The following MAD1L1 variants were observed in gnomAD, a reference collection of about 807,000 sequenced individuals.
MAD1L1 encodes mitotic arrest deficient 1 like 1.
In MAD1L1, 95 loss-of-function variants were observed where a neutral mutation model predicts 96.9. The observed-to-expected ratio is 0.98, with a 90% CI of 0.83 to 1.16. The LOEUF (loss-of-function observed/expected upper bound fraction) is 1.16. Among genes scored for constraint, MAD1L1 ranks in the 50% most tolerant of loss-of-function variants. The pLI, the probability that MAD1L1 is intolerant of heterozygous loss-of-function variation, is 0.00. For missense variants in MAD1L1, 1,007 were observed against 954.4 expected, an observed-to-expected ratio of 1.06 and a Z score of -0.73; for synonymous variants, 473 against 396.6, an observed-to-expected ratio of 1.19 and a Z score of -2.29.
At chr7:1,867,625 C>G (rs888903887) in intron 18 of MAD1L1, among the ~76,000 whole-genome samples, 1 of 152,242 alleles carries the variant, frequency 6.6e-6, no homozygotes, top group African/African-American at 2.4e-5. Context: ...TGGCTCGGGC[C>G]CAATTTCCAT....
chr7:2,121,419 C>T (rs1000923954), intron 11 of MAD1L1, among the ~76,000 whole-genome samples: 6 of 152,212 alleles, frequency 3.9e-5, no homozygotes, highest in Non-Finnish European at 5.9e-5. Flanking sequence ...GCCTCCCGGG[C>T]AGTGGCAGGC....
intron 11 of MAD1L1, among the ~76,000 whole-genome samples, chr7:2,110,019 G>A (rs921074905): frequency 6.6e-6 from 1 of 152,264 alleles, no homozygotes; most frequent in South Asian, 2.1e-4. Flanking sequence ...TGCGCAGGCC[G>A]GAGGTGGCCA....
At chr7:2,212,760 C>CA (rs1562377474) in intron 10 of MAD1L1, among the ~76,000 whole-genome samples, 1 of 152,164 alleles carries the variant, frequency 6.6e-6, no homozygotes, top group African/African-American at 2.4e-5. Context: ...CATAATTACC[C>CA]AGTCTCTGGT....
At chr7:1,903,529 G>A (rs1478987440) in intron 17 of MAD1L1, among the ~76,000 whole-genome samples, 11 of 145,748 alleles carry the variant, frequency 7.5e-5, no homozygotes, top group Non-Finnish European at 1.0e-4. Context: ...GGACGCAGTG[G>A]CCTATGGAAG....
intron 5 of MAD1L1, 86 bp from the exon 6 acceptor site, chr7:2,219,542 G>A (rs1377909467): frequency 6.8e-7 from 1 of 1,464,760 alleles, no homozygotes; most frequent in Admixed American, 1.9e-5. Flanking sequence ...GAAGAGTGGA[G>A]AGGCGACACC....
At chr7:2,225,685 C>T in intron 3 of MAD1L1, 135 bp from the exon 4 acceptor site, 1 of 929,724 alleles carries the variant, frequency 1.1e-6, no homozygotes, top group Non-Finnish European at 1.6e-6. Context: ...TGTGGCCCAG[C>T]CACTGGGCTC....
At position 2,145,037 on chromosome 7, in the gene MAD1L1, C is replaced by T. The variant is rs1469650395; in HGVS notation, c.1073+4115G>A. 2.0e-5 allele frequency among the ~76,000 whole-genome samples: 3 copies of T among 152,138 alleles called. No individual in the cohort carries two copies. In the East Asian group the frequency reaches 5.8e-4, roughly 29 times the overall value. On this transcript the variant is annotated intron_variant, in intron 11 of 18. Coordinates refer to ENST00000265854, the MANE Select transcript of MAD1L1 (RefSeq NM_001013836.2). ...CCCAACCCCCAGGCTGCAATGCACT[C>T]AAGCACCCCACCCTCCTGGAGCGCC...
Position 1,974,409 on chromosome 7 carries a change from TAGG to T in MAD1L1, c.1505+6041_1505+6043del, listed in dbSNP as rs374718692. Among the ~76,000 whole-genome samples the T allele has an allele frequency of 5.3e-5, 8 of 152,288 alleles. No homozygotes were observed. In the East Asian group the frequency reaches 9.7e-4, roughly 18 times the overall value. On this transcript the variant is annotated intron_variant, in intron 15 of 18. Transcript: ENST00000265854. The stretch of plus-strand genomic sequence containing the variant: ...TAGAGCAACAGAGAACAGGGTTCAC[TAGG>T]AGAAGAAAACTCCAAAAAGCACTAT...
chr7:2,105,996 T>C (rs1462674152), intron 11 of MAD1L1, among the ~76,000 whole-genome samples: 1 of 123,888 alleles, frequency 8.1e-6, no homozygotes, highest in Non-Finnish European at 1.7e-5. Flanking sequence ...GCCCCACATA[T>C]GGCCCCGCCC....
intron 18 of MAD1L1, among the ~76,000 whole-genome samples, chr7:1,819,605 C>G (rs1422269280): frequency 6.6e-6 from 1 of 152,192 alleles, no homozygotes; most frequent in African/African-American, 2.4e-5. Context: ...GCAGTGCTCA[C>G]TCGGTGCCTA....
chr7:1,984,420 T>C (rs1168534281), intron 14 of MAD1L1, among the ~76,000 whole-genome samples: 1 of 152,280 alleles, frequency 6.6e-6, no homozygotes, highest in Non-Finnish European at 1.5e-5. Context: ...ATATGGGTTT[T>C]ACGCACATAT....
At chr7:2,072,288 C>T (rs912400544) in intron 11 of MAD1L1, among the ~76,000 whole-genome samples, 1 of 152,202 alleles carries the variant, frequency 6.6e-6, no homozygotes, top group Non-Finnish European at 1.5e-5. Context: ...CACATCTGGT[C>T]AGAGTCTTCT....
intron 14 of MAD1L1, among the ~76,000 whole-genome samples, chr7:2,001,565 C>T (rs1022041009): frequency 3.3e-5 from 5 of 152,210 alleles, no homozygotes; most frequent in African/African-American, 9.6e-5. Flanking sequence ...CTTAAAAGCA[C>T]GCCTGCTGCA....
intron 18 of MAD1L1, among the ~76,000 whole-genome samples, chr7:1,828,832 G>A (rs1011779560): frequency 1.3e-5 from 2 of 152,166 alleles, no homozygotes; most frequent in African/African-American, 4.8e-5. Context: ...ATCACATTAA[G>A]TCACTGTAAC....
chr7:1,868,405 A>G (rs1784881292), intron 18 of MAD1L1, among the ~76,000 whole-genome samples: 2 of 152,014 alleles, frequency 1.3e-5, no homozygotes. Context: ...GCTCCCACGC[A>G]GGCCGCGCCT....
chr7:1,944,545 T>A (rs2128468320), intron 16 of MAD1L1, among the ~76,000 whole-genome samples: 1 of 152,272 alleles, frequency 6.6e-6, no homozygotes, highest in Non-Finnish European at 1.5e-5. Context: ...TGAGAGGGGC[T>A]GCCTGGAGGG....
rs191283212 is a variant in MAD1L1 at position 2,054,305 on chromosome 7, G to A, written c.1218+14889C>T. 3.7e-4 allele frequency among the ~76,000 whole-genome samples: 56 copies of A among 152,346 alleles called. No homozygotes were observed. In the East Asian group the frequency reaches 8.9e-3, roughly 24 times the overall value. On this transcript the variant is annotated intron_variant, in intron 12 of 18. Transcript: ENST00000265854. ...TCCACGCACCTGAGGCAGAGACGGC[G>A]GTCGGGCGCACGTGGAGGGCTCGGG...
intron 11 of MAD1L1, among the ~76,000 whole-genome samples, chr7:2,081,873 A>G (rs947996153): frequency 6.6e-6 from 1 of 152,254 alleles, no homozygotes; most frequent in Non-Finnish European, 1.5e-5. Context: ...TGGCCAACAG[A>G]GATCACGGGA....
At chr7:2,197,475 C>T (rs962199772) in intron 10 of MAD1L1, among the ~76,000 whole-genome samples, 1 of 152,164 alleles carries the variant, frequency 6.6e-6, no homozygotes, top group Non-Finnish European at 1.5e-5. Flanking sequence ...TCTCATCTCC[C>T]GCCCCGACCC....
Sources: allele counts gnomAD v4.1 joint callset (sites outside exome capture counted in the v4.1 genomes callset), GRCh38; gene constraint gnomAD v4.1.1; transcripts MANE v1.5; gene names NCBI Gene and HGNC (gene_info 2026-07-23, HGNC 2026-07-21).